Variants in FAM135B observed in about 807,000 individuals in gnomAD.
FAM135B encodes protein FAM135B.
FAM135B carries 43 observed loss-of-function variants against 127.7 expected under a neutral mutation model. The ratio of observed to expected loss-of-function variants is 0.34; its 90% CI spans 0.26 to 0.43. The LOEUF (loss-of-function observed/expected upper bound fraction) is 0.43, where lower values mean the gene tolerates loss of function less well. FAM135B is among the 20% of genes least tolerant of loss of function. The probability of loss-of-function intolerance (pLI) is 1.00; values close to 1 mark genes in which losing one functional copy is unlikely to be tolerated. For synonymous variants in FAM135B, 670 were observed against 665.1 expected (o/e 1.01, Z -0.11); for missense variants, 1,558 against 1,725.6 (o/e 0.90, Z 1.72).
chr8:138,186,878 G>T (rs1815633139), intron 9 of FAM135B, among the ~76,000 whole-genome samples: 1 of 152,228 alleles, frequency 6.6e-6, no homozygotes, highest in Admixed American at 6.5e-5. Flanking sequence ...GCACTGCAAT[G>T]GAATACAGGT....
At chr8:138,446,061 CA>C (rs1006732213) in intron 1 of FAM135B, among the ~76,000 whole-genome samples, 1 of 152,102 alleles carries the variant, frequency 6.6e-6, no homozygotes, top group Non-Finnish European at 1.5e-5. Context: ...ACAATCGCTT[CA>C]AAGAGAATAA....
At chr8:138,206,576 T>G (rs1182414770) in intron 7 of FAM135B, among the ~76,000 whole-genome samples, 46 of 137,256 alleles carry the variant, frequency 3.4e-4, no homozygotes, top group Non-Finnish European at 4.8e-4. Flanking sequence ...CACAACTCTA[T>G]CATCCCCTCT....
At chr8:138,202,227 ATACAGGGCAAACAGT>A (rs1563763804) in intron 7 of FAM135B, among the ~76,000 whole-genome samples, 2 of 141,206 alleles carry the variant, frequency 1.4e-5, no homozygotes, top group Admixed American at 7.4e-5. Context: ...GCAACAAGAG[ATACAGGGCAAACAGT>A]CTGTTTTTTT....
intron 7 of FAM135B, among the ~76,000 whole-genome samples, chr8:138,217,408 A>ATTCATTTGT (rs1818629769): frequency 1.3e-5 from 2 of 149,946 alleles, no homozygotes; most frequent in African/African-American, 4.9e-5. Flanking sequence ...ATGTGAGGCT[A>ATTCATTTGT]TTCATTTGTT....
chr8:138,447,412 C>G (rs926530763), intron 1 of FAM135B, among the ~76,000 whole-genome samples: 7 of 152,102 alleles, frequency 4.6e-5, no homozygotes, highest in Non-Finnish European at 1.0e-4. Context: ...ACCCAAATGT[C>G]CAACAATGGT....
At chr8:138,336,100 C>T (rs550474014) in intron 2 of FAM135B, among the ~76,000 whole-genome samples, 4,813 of 151,294 alleles carry the variant, frequency 0.032, 205 homozygotes, top group African/African-American at 0.1. Context: ...GGGACACATT[C>T]AAAGCAGTGT....
chr8:138,290,075 TG>T (rs1201682721), intron 3 of FAM135B, among the ~76,000 whole-genome samples: 5 of 152,256 alleles, frequency 3.3e-5, no homozygotes, highest in Admixed American at 3.3e-4. Context: ...AACAGAGGGT[TG>T]CCTCTCAGTG....
chr8:138,344,577 C>A (rs28397951), intron 2 of FAM135B, among the ~76,000 whole-genome samples: 1 of 83,934 alleles, frequency 1.2e-5, no homozygotes, highest in Non-Finnish European at 2.7e-5. Context: ...TTCTTTCTTT[C>A]TTTTTTTTTT....
chr8:138,388,008 A>G (rs1832320691), intron 1 of FAM135B, among the ~76,000 whole-genome samples: 1 of 152,184 alleles, frequency 6.6e-6, no homozygotes. Context: ...ACATGAAAAG[A>G]GGCTCAACAT....
chr8:138,300,558 G>C (rs1257907596), intron 3 of FAM135B, among the ~76,000 whole-genome samples: 2 of 152,056 alleles, frequency 1.3e-5, no homozygotes, highest in Non-Finnish European at 2.9e-5. Context: ...TAAGACTACA[G>C]AATTTCTTCT....
At chr8:138,190,863 A>C (rs1239600291) in intron 9 of FAM135B, among the ~76,000 whole-genome samples, 1 of 152,158 alleles carries the variant, frequency 6.6e-6, no homozygotes, top group Non-Finnish European at 1.5e-5. Context: ...TCTACCTATG[A>C]TCTGGAAGCC....
chr8:138,414,087 T>A (rs548538448), intron 1 of FAM135B, among the ~76,000 whole-genome samples: 1 of 136,066 alleles, frequency 7.3e-6, no homozygotes, highest in Admixed American at 7.6e-5. Flanking sequence ...ATAAATACAA[T>A]ATGCTTAAGT....
chr8:138,355,507 AAG>A (rs1830039065), intron 2 of FAM135B, among the ~76,000 whole-genome samples: 2 of 152,186 alleles, frequency 1.3e-5, no homozygotes, highest in Admixed American at 1.3e-4. Context: ...GAAGGAGAAA[AAG>A]GGGACCATGA....
intron 1 of FAM135B, among the ~76,000 whole-genome samples, chr8:138,385,419 C>T (rs1364926545): frequency 6.6e-6 from 1 of 152,180 alleles, no homozygotes; most frequent in African/African-American, 2.4e-5. Context: ...CCACACAGCA[C>T]TCCATAAATA....
At chr8:138,226,196 A>AT (rs74859418) in intron 7 of FAM135B, among the ~76,000 whole-genome samples, 28 of 102,712 alleles carry the variant, frequency 2.7e-4, no homozygotes, top group Admixed American at 6.7e-4. Flanking sequence ...CGCGCATGTC[A>AT]TTTTTTTTTT....
At chr8:138,176,744 T>A (rs917505071) in intron 11 of FAM135B, among the ~76,000 whole-genome samples, 1 of 152,140 alleles carries the variant, frequency 6.6e-6, no homozygotes, top group African/African-American at 2.4e-5. Context: ...AACGTATCAT[T>A]TGGAAGCAAA....
At chr8:138,296,009 A>G (rs1825455909) in intron 3 of FAM135B, among the ~76,000 whole-genome samples, 1 of 152,218 alleles carries the variant, frequency 6.6e-6, no homozygotes, top group African/African-American at 2.4e-5. Flanking sequence ...GATGATTTCA[A>G]AAGTTTTATT....
At chr8:138,194,227 C>T (rs1435585438) in intron 9 of FAM135B, among the ~76,000 whole-genome samples, 1 of 152,168 alleles carries the variant, frequency 6.6e-6, no homozygotes, top group Non-Finnish European at 1.5e-5. Context: ...CCAAGTCCCA[C>T]CCCTTCTCCC....
At chr8:138,484,908 A>G (rs543583742) in intron 1 of FAM135B, among the ~76,000 whole-genome samples, 3 of 152,302 alleles carry the variant, frequency 2.0e-5, no homozygotes, top group Admixed American at 6.5e-5. Context: ...TTATCTTTAT[A>G]CATTTCCTTT....
Sources: allele counts gnomAD v4.1 joint callset (sites outside exome capture counted in the v4.1 genomes callset), GRCh38; gene constraint gnomAD v4.1.1; transcripts MANE v1.5; gene names NCBI Gene and HGNC (gene_info 2026-07-23, HGNC 2026-07-21).